ARHGAP10: variants seen among roughly 807,000 people sequenced by gnomAD.
The protein encoded by ARHGAP10 is Rho GTPase activating protein 10.
ARHGAP10 carries 87 observed loss-of-function variants against 108.6 expected under a neutral mutation model. That is an observed-to-expected ratio of 0.80 (90% CI 0.67 to 0.96). The LOEUF is 0.96. Ranked by LOEUF, ARHGAP10 falls within the 40% of genes least tolerant of loss-of-function variation. The probability of loss-of-function intolerance (pLI) is 0.00; values close to 1 mark genes in which losing one functional copy is unlikely to be tolerated. For missense variants in ARHGAP10, 939 were observed against 954.5 expected (o/e 0.98, Z 0.21); for synonymous variants, 347 against 341.1 (o/e 1.02, Z -0.19).
Position 148,024,424 on chromosome 4 carries a change from CA to C in ARHGAP10, c.1867+1012del, listed in dbSNP as rs1400159744. Among the ~76,000 whole-genome samples, 3 of 152,270 alleles carry C rather than the reference CA, an allele frequency of 2.0e-5. No homozygotes were observed. The East Asian group carries it at 5.8e-4, about 29-fold the overall frequency. On this transcript the variant is annotated intron_variant, in intron 19 of 22. Transcript: ENST00000336498. ...ACAGATACCATGCCTTCATCATAGGCAGCTGCATGCACACACCAGGTGGTTA... is the reference window on the plus strand; with the variant it reads ...ACAGATACCATGCCTTCATCATAGGCGCTGCATGCACACACCAGGTGGTTA...
rs531481623 is a variant in ARHGAP10 at position 148,071,244 on chromosome 4, G to A, written c.2273-749G>A. ...TCACTGCAGTTGACATGCATGATGT[G>A]CCAGTGGAGTGTGAAGAGCTCCTGG... is the stretch of plus-strand genomic sequence containing the variant. On this transcript the variant is annotated intron_variant, in intron 22 of 22. Transcript: ENST00000336498. 2.0e-5 allele frequency among the ~76,000 whole-genome samples: 3 copies of A among 152,358 alleles called. No individual in the cohort carries two copies. In the South Asian group the frequency reaches 6.2e-4, roughly 32 times the overall value.
intron 20 of ARHGAP10, among the ~76,000 whole-genome samples, chr4:148,050,807 T>C (rs1252622560): frequency 1.3e-5 from 2 of 152,230 alleles, no homozygotes; most frequent in Non-Finnish European, 2.9e-5. Flanking sequence ...TCTTCTTGTC[T>C]TTTCCCCCTT....
At chr4:148,033,436 A>G (rs1728239261) in intron 19 of ARHGAP10, among the ~76,000 whole-genome samples, 1 of 152,260 alleles carries the variant, frequency 6.6e-6, no homozygotes. Flanking sequence ...TCACTTTTAA[A>G]GGAAAACCTA....
chr4:148,061,754 C>T (rs946249503), intron 20 of ARHGAP10, among the ~76,000 whole-genome samples: 17 of 152,058 alleles, frequency 1.1e-4, no homozygotes, highest in East Asian at 3.8e-4. Flanking sequence ...TTGGTTGCTC[C>T]GATGTTGGCT....
chr4:147,991,161 T>A (rs73853997), intron 18 of ARHGAP10, among the ~76,000 whole-genome samples: 18,734 of 143,474 alleles, frequency 0.13, 1,983 homozygotes, highest in African/African-American at 0.29. Flanking sequence ...AAAAAAAAAA[T>A]AAATAAAAGA....
chr4:147,746,095 G>A (rs1025279433), intron 1 of ARHGAP10, among the ~76,000 whole-genome samples: 5 of 149,024 alleles, frequency 3.4e-5, no homozygotes, highest in African/African-American at 1.2e-4. Flanking sequence ...GCCACAAAGT[G>A]CTTCTTATTT....
At chr4:147,935,004 A>C (rs1287815923) in intron 13 of ARHGAP10, among the ~76,000 whole-genome samples, 4 of 152,226 alleles carry the variant, frequency 2.6e-5, no homozygotes, top group African/African-American at 7.2e-5. Flanking sequence ...GGCAACCAGA[A>C]TAGCACCTGG....
intron 1 of ARHGAP10, among the ~76,000 whole-genome samples, chr4:147,777,362 C>T (rs1325232426): frequency 2.0e-5 from 3 of 151,720 alleles, no homozygotes; most frequent in Non-Finnish European, 4.4e-5. Context: ...GGGTTCACGC[C>T]ATTCTCCTGA....
At chr4:147,756,321 G>C (rs532958060) in intron 1 of ARHGAP10, among the ~76,000 whole-genome samples, 4 of 152,188 alleles carry the variant, frequency 2.6e-5, no homozygotes, top group African/African-American at 9.6e-5. Flanking sequence ...GTGGTGGGGG[G>C]AGTATAAAAT....
chr4:147,939,898 G>A lies in ARHGAP10; in HGVS notation c.1302G>A (p.Met434Ile), dbSNP rs1224229894. The A allele has an allele frequency of 1.9e-6, 3 of 1,612,324 alleles. No homozygotes were observed. Among genetic ancestry groups the A allele is most frequent in the Non-Finnish European group, 2.5e-6 (3 of 1,178,668 alleles). The change falls in exon 14 of 23, where the codon ATG (methionine) becomes ATA (isoleucine). Residue 434 changes from methionine (M) to isoleucine (I), a missense_variant and splice_region_variant. Physicochemically the swap from Met to Ile is conservative, Grantham distance 10 (BLOSUM62 1). Coordinates refer to ENST00000336498, the MANE Select transcript of ARHGAP10 (RefSeq NM_024605.4). ...TCCAGAGACTTCTGAGTATGTTGAT[G>A]GGTATGCCTCTTTTCTAATCATTTT... ...SKVQRLLSML[M>I]DVKTCNEVDL...
intron 20 of ARHGAP10, among the ~76,000 whole-genome samples, chr4:148,049,992 C>T (rs1729060775): frequency 1.3e-5 from 2 of 151,906 alleles, no homozygotes; most frequent in African/African-American, 4.8e-5. Context: ...CTCAACCTCC[C>T]CAGTAGCTGG....
chr4:147,838,131 T>G (rs947619386), intron 3 of ARHGAP10, among the ~76,000 whole-genome samples: 1 of 152,112 alleles, frequency 6.6e-6, no homozygotes, highest in African/African-American at 2.4e-5. Context: ...CCTTTGAGAT[T>G]AGTATATTCA....
intron 18 of ARHGAP10, among the ~76,000 whole-genome samples, chr4:147,969,602 G>A (rs1277695069): frequency 6.6e-6 from 1 of 152,106 alleles, no homozygotes; most frequent in African/African-American, 2.4e-5. Context: ...TTGGATAAAA[G>A]GATCTCCATT....
At chr4:148,061,108 T>A (rs1400244772) in intron 20 of ARHGAP10, among the ~76,000 whole-genome samples, 2 of 149,894 alleles carry the variant, frequency 1.3e-5, no homozygotes, top group South Asian at 2.1e-4. Flanking sequence ...TTTTTTTTTT[T>A]AAAGAAAGAT....
chr4:147,933,861 A>G (rs754755348), intron 13 of ARHGAP10, among the ~76,000 whole-genome samples: 6 of 151,990 alleles, frequency 3.9e-5, no homozygotes, highest in Non-Finnish European at 7.4e-5. Context: ...CTTTGGGTGT[A>G]TGTCTCATAG....
chr4:147,750,915 A>T (rs1729116450), intron 1 of ARHGAP10, among the ~76,000 whole-genome samples: 1 of 151,824 alleles, frequency 6.6e-6, no homozygotes, highest in Non-Finnish European at 1.5e-5. Flanking sequence ...AAATATCTTC[A>T]ATTTAAAACA....
At chr4:147,897,160 C>CT (rs200153083) in intron 10 of ARHGAP10, among the ~76,000 whole-genome samples, 1 of 151,592 alleles carries the variant, frequency 6.6e-6, no homozygotes, top group Admixed American at 6.6e-5. Context: ...TATGTTTAAA[C>CT]TTTTTTTTAT....
intron 1 of ARHGAP10, among the ~76,000 whole-genome samples, chr4:147,802,253 G>T (rs1411023412): frequency 3.3e-5 from 5 of 152,152 alleles, no homozygotes; most frequent in Admixed American, 1.3e-4. Flanking sequence ...ACTGGGTTTT[G>T]GAGAACTTTT....
intron 1 of ARHGAP10, among the ~76,000 whole-genome samples, chr4:147,804,145 C>T (rs1731688361): frequency 6.6e-6 from 1 of 152,012 alleles, no homozygotes; most frequent in Non-Finnish European, 1.5e-5. Flanking sequence ...TTGATCCTCA[C>T]CCTCCTCCTA....
Sources: allele counts gnomAD v4.1 joint callset (sites outside exome capture counted in the v4.1 genomes callset), GRCh38; gene constraint gnomAD v4.1.1; transcripts MANE v1.5; gene names NCBI Gene and HGNC (gene_info 2026-07-23, HGNC 2026-07-21).